The following FRK variants were observed in gnomAD, a reference collection of about 807,000 sequenced individuals.
FRK encodes the protein fyn related Src family tyrosine kinase.
In FRK, 51 loss-of-function variants were observed where a neutral mutation model predicts 56.4. That is an observed-to-expected ratio of 0.90 (90% CI 0.72 to 1.14). The LOEUF is 1.14. FRK is among the 50% of genes most tolerant of loss of function. The probability of loss-of-function intolerance (pLI) is 0.00; values close to 1 mark genes in which losing one functional copy is unlikely to be tolerated. For missense variants in FRK, 570 were observed against 601.4 expected, an observed-to-expected ratio of 0.95 and a Z score of 0.55; for synonymous variants, 245 against 217.9, an observed-to-expected ratio of 1.12 and a Z score of -1.10.
rs756573932 is a variant in FRK at position 116,059,949 on chromosome 6, A to T, written c.344+19T>A. The T allele has an allele frequency of 3.1e-6, 5 of 1,588,202 alleles. No homozygotes were observed. The highest frequency in any genetic ancestry group is 4.3e-6 in the Non-Finnish European group (5 of 1,160,218). On this transcript the variant is annotated intron_variant, in intron 1 of 7. Coordinates refer to ENST00000606080, the MANE Select transcript of FRK (RefSeq NM_002031.3). Reference sequence around the variant, plus strand: ...CCCTCAGAGAGTTCAGAAATTAAGTATAAGTTTGTACTACTCACGGCTCTG... The same window carrying T: ...CCCTCAGAGAGTTCAGAAATTAAGTTTAAGTTTGTACTACTCACGGCTCTG...
the FRK span, among the ~76,000 whole-genome samples, chr6:116,079,404 G>GT: frequency 0.17 from 24,103 of 141,978 alleles, 2,263 homozygotes; most frequent in African/African-American, 0.26. Flanking sequence ...TGGGTTTTTT[G>GT]TTTTTTTTTT....
Position 115,944,140 on chromosome 6 carries a change from C to T in FRK, c.1140+104G>A. The T allele has an allele frequency of 3.2e-6, 3 of 942,662 alleles. No individual in the cohort carries two copies. The South Asian group carries it at 5.7e-5, about 18-fold the overall frequency. The allele number at this position is 942,662 out of a possible 1,614,324, so 58.4% of individuals were successfully genotyped here. A position where few individuals can be genotyped will look rare whatever the true frequency, so the allele number is the denominator to read the frequency against. On this transcript the variant is annotated intron_variant, in intron 6 of 7. Transcript: ENST00000606080. ...CTGAAGTAGTTTATGGACTACAGAA[C>T]TTGGAGAAACATTGTTTTAAAGAAT...
In FRK at chr6:115,933,804, C is replaced by T. The variant is rs1040574692; in HGVS notation, c.*8610G>A. 1 of 152,120 alleles carries T rather than the reference C, an allele frequency of 6.6e-6. No individual in the cohort carries two copies. Among genetic ancestry groups the T allele is most frequent in the Non-Finnish European group, 1.5e-5 (1 of 68,022 alleles). 9.4% of individuals were successfully genotyped at this position (152,120 alleles called of 1,614,324 possible). On this transcript the variant is annotated 3_prime_UTR_variant, in exon 8 of 8. Transcript: ENST00000606080. ...TTATTTATAATTTACTCCTTGATTG[C>T]ATTAGACTAGATGACTTTAAATAAA...
chr6:115,962,593 A>G (rs1167938177), intron 4 of FRK, among the ~76,000 whole-genome samples: 1 of 63,874 alleles, frequency 1.6e-5, no homozygotes, highest in Non-Finnish European at 3.1e-5. Context: ...CAGAATATAC[A>G]TTTTTTTCAG....
intron 1 of FRK, among the ~76,000 whole-genome samples, chr6:116,006,539 A>G (rs1028718336): frequency 3.3e-5 from 5 of 152,230 alleles, no homozygotes; most frequent in Non-Finnish European, 7.3e-5. Flanking sequence ...TGAGCTCAAG[A>G]AGATACACTA....
chr6:116,021,866 T>C (rs377352532), intron 1 of FRK, among the ~76,000 whole-genome samples: 3 of 151,994 alleles, frequency 2.0e-5, no homozygotes, highest in East Asian at 1.9e-4. Flanking sequence ...AACCAAACCA[T>C]GGGAAGAATG....
chr6:116,028,781 G>A (rs1378065186), intron 1 of FRK, among the ~76,000 whole-genome samples: 1 of 152,046 alleles, frequency 6.6e-6, no homozygotes, highest in African/African-American at 2.4e-5. Flanking sequence ...TCCAAATCAG[G>A]TCACATTCTG....
At position 116,039,293 on chromosome 6, in the gene FRK, C is replaced by T. The variant is rs1776622039; in HGVS notation, c.344+20675G>A. ...AGCAAGACTGCAACACCCCAGAAGG[C>T]CCAGGAAGTACACGAGAAGTTCTGA... On this transcript the variant is annotated intron_variant, in intron 1 of 7. Coordinates refer to ENST00000606080, the MANE Select transcript of FRK (RefSeq NM_002031.3). 3.8e-5 allele frequency: 55 copies of T among 1,454,488 alleles called. 2 individuals carry two copies. In the South Asian group the frequency reaches 6.0e-4, roughly 16 times the overall value. The allele number at this position is 1,454,488 out of a possible 1,614,324, so 90.1% of individuals were successfully genotyped here. A position where few individuals can be genotyped will look rare whatever the true frequency, so the allele number is the denominator to read the frequency against.
At chr6:116,093,069 C>A in the FRK span, among the ~76,000 whole-genome samples, 1 of 152,110 alleles carries the variant, frequency 6.6e-6, no homozygotes, top group Admixed American at 6.5e-5. Flanking sequence ...ACCTTATGTC[C>A]AAGCTTTCTT....
At chr6:116,008,581 A>G (rs1025508404) in intron 1 of FRK, among the ~76,000 whole-genome samples, 4 of 152,202 alleles carry the variant, frequency 2.6e-5, no homozygotes, top group Non-Finnish European at 4.4e-5. Context: ...CTGATGGATA[A>G]ACAATAGCTT....
At chr6:115,952,446 A>G (rs1316061639) in intron 5 of FRK, among the ~76,000 whole-genome samples, 1 of 152,102 alleles carries the variant, frequency 6.6e-6, no homozygotes, top group Non-Finnish European at 1.5e-5. Flanking sequence ...GGATGTGGAG[A>G]AATAGGAACA....
At chr6:115,986,945 A>G (rs1396214152) in intron 2 of FRK, among the ~76,000 whole-genome samples, 1 of 152,106 alleles carries the variant, frequency 6.6e-6, no homozygotes, top group Non-Finnish European at 1.5e-5. Flanking sequence ...TAAATTATCC[A>G]AACAAACAAA....
intron 1 of FRK, among the ~76,000 whole-genome samples, chr6:116,036,969 T>A (rs1459384832): frequency 6.6e-6 from 1 of 152,180 alleles, no homozygotes; most frequent in Non-Finnish European, 1.5e-5. Context: ...TTACTTTTAG[T>A]ATTATTAACA....
At chr6:115,994,016 G>T (rs1447376605) in intron 2 of FRK, among the ~76,000 whole-genome samples, 1 of 151,842 alleles carries the variant, frequency 6.6e-6, no homozygotes, top group African/African-American at 2.4e-5. Flanking sequence ...CTATCTTCAC[G>T]TTATTGTCAT....
At chr6:115,971,103 A>G (rs1234807856) in intron 2 of FRK, among the ~76,000 whole-genome samples, 1 of 152,168 alleles carries the variant, frequency 6.6e-6, no homozygotes, top group African/African-American at 2.4e-5. Flanking sequence ...TCACACTTCA[A>G]TTTAAAAGAA....
intron 1 of FRK, among the ~76,000 whole-genome samples, chr6:116,056,717 C>G (rs988902810): frequency 1.8e-4 from 27 of 151,796 alleles, no homozygotes; most frequent in African/African-American, 6.3e-4. Flanking sequence ...TTAATAAGAC[C>G]CTAAGGGCAA....
intron 1 of FRK, among the ~76,000 whole-genome samples, chr6:116,058,838 G>GCC: frequency 6.6e-6 from 1 of 151,326 alleles, no homozygotes; most frequent in Non-Finnish European, 1.5e-5. Flanking sequence ...GTGAACCCGG[G>GCC]AGGCGGAGCT....
chr6:116,001,090 T>C (rs1302669688), intron 2 of FRK, among the ~76,000 whole-genome samples: 6 of 151,962 alleles, frequency 3.9e-5, no homozygotes, highest in Non-Finnish European at 8.8e-5. Context: ...ATACAAAAAT[T>C]AGCCAGATGT....
At chr6:116,034,769 G>T (rs527809148) in intron 1 of FRK, among the ~76,000 whole-genome samples, 1 of 152,060 alleles carries the variant, frequency 6.6e-6, no homozygotes, top group South Asian at 2.1e-4. Context: ...TGGATACTTG[G>T]TAATATTAGG....
Sources: allele counts gnomAD v4.1 joint callset (sites outside exome capture counted in the v4.1 genomes callset), GRCh38; gene constraint gnomAD v4.1.1; transcripts MANE v1.5; gene names NCBI Gene and HGNC (gene_info 2026-07-23, HGNC 2026-07-21).